The following CDH18 variants were observed in gnomAD, a reference collection of about 807,000 sequenced individuals.
The protein encoded by CDH18 is cadherin 18.
Under a neutral mutation model 67.9 loss-of-function variants are expected in CDH18, and 31 were observed. That is an observed-to-expected ratio of 0.46 (90% CI 0.34 to 0.62). The LOEUF is 0.62. Among genes scored for constraint, CDH18 ranks in the 20% least tolerant of loss-of-function variants. The probability of loss-of-function intolerance (pLI) is 0.01; values close to 1 mark genes in which losing one functional copy is unlikely to be tolerated. For synonymous variants in CDH18, 362 were observed against 347.2 expected, an observed-to-expected ratio of 1.04 and a Z score of -0.48; for missense variants, 890 against 975.5, an observed-to-expected ratio of 0.91 and a Z score of 1.17.
chr5:20,533,714 A>T (rs1756549419), intron 1 of CDH18, among the ~76,000 whole-genome samples: 1 of 152,078 alleles, frequency 6.6e-6, no homozygotes, highest in Non-Finnish European at 1.5e-5. Context: ...TTCATTTATT[A>T]TCCTTTTTAC....
At chr5:20,208,150 G>T (rs1740058948) in intron 2 of CDH18, among the ~76,000 whole-genome samples, 1 of 152,100 alleles carries the variant, frequency 6.6e-6, no homozygotes, top group African/African-American at 2.4e-5. Flanking sequence ...TGGCTGGGAA[G>T]GCCTCAGGAA....
chr5:19,993,763 A>C (rs1800116965), intron 2 of CDH18, among the ~76,000 whole-genome samples: 1 of 152,148 alleles, frequency 6.6e-6, no homozygotes, highest in African/African-American at 2.4e-5. Flanking sequence ...AGATATATAG[A>C]TATACCTCTC....
At chr5:20,497,460 A>T (rs1018899301) in intron 1 of CDH18, among the ~76,000 whole-genome samples, 2 of 152,112 alleles carry the variant, frequency 1.3e-5, no homozygotes, top group East Asian at 3.9e-4. Flanking sequence ...TACAGTATTC[A>T]GTACAGCAGA....
At chr5:19,946,629 A>G (rs1367117434) in intron 2 of CDH18, among the ~76,000 whole-genome samples, 2 of 152,184 alleles carry the variant, frequency 1.3e-5, no homozygotes, top group African/African-American at 4.8e-5. Context: ...ACATGCTCCC[A>G]AGCCTAGATG....
intron 8 of CDH18, among the ~76,000 whole-genome samples, chr5:19,562,200 C>T (rs745444478): frequency 1.2e-4 from 19 of 152,086 alleles, no homozygotes; most frequent in Non-Finnish European, 2.4e-4. Flanking sequence ...TATTAGATAC[C>T]TTTAACATGA....
intron 2 of CDH18, among the ~76,000 whole-genome samples, chr5:20,218,933 T>G (rs995959699): frequency 7.9e-5 from 12 of 151,644 alleles, no homozygotes; most frequent in African/African-American, 2.9e-4. Flanking sequence ...TAGAACAACT[T>G]CAAATAAACA....
chr5:20,384,838 A>G (rs10036233), intron 1 of CDH18, among the ~76,000 whole-genome samples: 26,102 of 151,904 alleles, frequency 0.17, 2,415 homozygotes, highest in African/African-American at 0.19. Flanking sequence ...TTATTTATTT[A>G]TTTATTCATT....
chr5:19,612,894 ACTT>A (rs1749223700), intron 5 of CDH18, among the ~76,000 whole-genome samples: 1 of 151,974 alleles, frequency 6.6e-6, no homozygotes, highest in South Asian at 2.1e-4. Context: ...TAATCCCAGC[ACTT>A]TGGGAGGCCA....
chr5:20,038,870 C>A lies in CDH18; in HGVS notation c.-517-46856G>T, dbSNP rs112525933. Among the ~76,000 whole-genome samples, 3,382 of 151,856 alleles carry A rather than the reference C, an allele frequency of 0.022. 181 individuals carry two copies. In the East Asian group the frequency reaches 0.25, roughly 11 times the overall value. ...GAGATCAGGAAAGAGAAAGAAATAA[C>A]AAGTATTGAAATAGGAAAACAGGAA... On this transcript the variant is annotated intron_variant, in intron 2 of 14. Transcript: ENST00000507958.
At chr5:20,356,897 A>C (rs1741673689) in intron 1 of CDH18, among the ~76,000 whole-genome samples, 1 of 150,220 alleles carries the variant, frequency 6.7e-6, no homozygotes, top group Non-Finnish European at 1.5e-5. Context: ...ATATACATGC[A>C]TGTATATATA....
intron 2 of CDH18, among the ~76,000 whole-genome samples, chr5:20,086,927 T>C (rs1041791654): frequency 6.6e-6 from 1 of 152,186 alleles, no homozygotes; most frequent in African/African-American, 2.4e-5. Flanking sequence ...TCAGTCTTAC[T>C]AAGAAATGCA....
intron 1 of CDH18, among the ~76,000 whole-genome samples, chr5:20,467,981 T>A (rs1175243224): frequency 1.4e-5 from 2 of 143,508 alleles, no homozygotes; most frequent in African/African-American, 5.0e-5. Context: ...TACTTACTTT[T>A]TATTTTATTT....
intron 1 of CDH18, among the ~76,000 whole-genome samples, chr5:20,349,914 A>G (rs1395758129): frequency 1.3e-5 from 2 of 152,158 alleles, no homozygotes; most frequent in African/African-American, 4.8e-5. Context: ...ATACAGCATC[A>G]TGCACAGCAG....
At chr5:20,176,982 G>T (rs1737285251) in intron 2 of CDH18, among the ~76,000 whole-genome samples, 1 of 152,058 alleles carries the variant, frequency 6.6e-6, no homozygotes, top group Non-Finnish European at 1.5e-5. Context: ...TTATAACAGA[G>T]AATTATTCTA....
chr5:20,050,033 C>T (rs1166364000), intron 2 of CDH18, among the ~76,000 whole-genome samples: 1 of 151,442 alleles, frequency 6.6e-6, no homozygotes, highest in Admixed American at 6.6e-5. Flanking sequence ...ACATTCTCAC[C>T]TTTCAAAGCA....
chr5:19,862,874 G>GACCC (rs780237467), intron 2 of CDH18, among the ~76,000 whole-genome samples: 445 of 152,290 alleles, frequency 2.9e-3, no homozygotes, highest in Non-Finnish European at 4.4e-3. Flanking sequence ...TGAAAAGACA[G>GACCC]TTTATTATGC....
chr5:20,294,407 G>A (rs1747331915), intron 1 of CDH18, among the ~76,000 whole-genome samples: 1 of 152,158 alleles, frequency 6.6e-6, no homozygotes, highest in Non-Finnish European at 1.5e-5. Context: ...TATGCTGTTT[G>A]TTAATGCGAT....
At chr5:19,932,056 T>C (rs1414639676) in intron 2 of CDH18, among the ~76,000 whole-genome samples, 1 of 151,876 alleles carries the variant, frequency 6.6e-6, no homozygotes, top group Non-Finnish European at 1.5e-5. Context: ...GTTAAATTTA[T>C]TGAAAGAACA....
intron 2 of CDH18, among the ~76,000 whole-genome samples, chr5:19,910,591 C>T (rs1027629462): frequency 2.0e-5 from 3 of 152,006 alleles, no homozygotes; most frequent in African/African-American, 7.2e-5. Flanking sequence ...GATTTATAGG[C>T]ACTATGGGAA....
Sources: allele counts gnomAD v4.1 joint callset (sites outside exome capture counted in the v4.1 genomes callset), GRCh38; gene constraint gnomAD v4.1.1; transcripts MANE v1.5; gene names NCBI Gene and HGNC (gene_info 2026-07-23, HGNC 2026-07-21).